VAX1: variants seen among roughly 807,000 people sequenced by gnomAD.
The protein encoded by VAX1 is ventral anterior homeobox 1.
VAX1 carries 6 observed loss-of-function variants against 17.6 expected under a neutral mutation model. That is an observed-to-expected ratio of 0.34 (90% CI 0.19 to 0.67). The LOEUF (loss-of-function observed/expected upper bound fraction) is 0.67. VAX1 is among the 30% of genes least tolerant of loss of function. VAX1 has a pLI of 0.69. For missense variants in VAX1, 408 were observed against 463.7 expected (o/e 0.88, Z 1.10); for synonymous variants, 256 against 227.4 (o/e 1.13, Z -1.13).
downstream of VAX1, chr10:117,128,995 A>G (rs1414454448): frequency 1.3e-5 from 2 of 152,246 alleles, no homozygotes; most frequent in South Asian, 4.1e-4. Flanking sequence ...CTCCATGAAA[A>G]TGAAAAAGAC....
At position 117,133,874 on chromosome 10, in the gene VAX1, G is replaced by A. The variant is rs1447728085; in HGVS notation, c.*134C>T. 2 of 1,381,402 alleles carry A rather than the reference G, an allele frequency of 1.4e-6. No homozygotes were observed. Among genetic ancestry groups the A allele is most frequent in the Non-Finnish European group, 1.9e-6 (2 of 1,074,428 alleles). 85.6% of individuals were successfully genotyped at this position (1,381,402 alleles called of 1,614,324 possible). On this transcript the variant is annotated 3_prime_UTR_variant, in exon 3 of 3. Transcript: ENST00000369206. ...GATGAAATTGGTAGCAGAGTCTAGT[G>A]GGAAAGGAGAGCTGTCAGAGGCCTG...
rs1367464145 is a variant in VAX1 at position 117,134,589 on chromosome 10, C to A, written c.430-6G>T. ...TTCTGGAACCAGACCTTCACCTGCG[C>A]GCCGGGGTGCGGGGAGAGTTGGAGA... is the stretch of plus-strand genomic sequence containing the variant. On this transcript the variant is annotated splice_polypyrimidine_tract_variant and splice_region_variant and intron_variant, in intron 2 of 2. Transcript: ENST00000369206. The surrounding 1 kb of genome is among the most constrained non-coding windows in gnomAD (Gnocchi z 6.2). 2 of 1,516,714 alleles carry A rather than the reference C, an allele frequency of 1.3e-6. No individual in the cohort carries two copies. Among genetic ancestry groups the A allele is most frequent in the Non-Finnish European group, 1.8e-6 (2 of 1,133,960 alleles). The allele number at this position is 1,516,714 out of a possible 1,614,324, so 94.0% of individuals were successfully genotyped here.
downstream of VAX1, chr10:117,131,492 T>C (rs562215153): frequency 1.3e-4 from 20 of 152,438 alleles, no homozygotes; most frequent in Middle Eastern, 3.4e-3. Flanking sequence ...CCCCGCCTTA[T>C]TTTGGATGCC....
chr10:117,135,854 T>C (rs886302440), intron 2 of VAX1, among the ~76,000 whole-genome samples: 2 of 152,162 alleles, frequency 1.3e-5, no homozygotes, highest in Non-Finnish European at 2.9e-5. Context: ...ACCTCACACA[T>C]CACTGGCCCA....
rs572519426 is a variant in VAX1, at chr10:117,134,684, G to A, written c.430-101C>T. ...CGCGCGGCTCCGGGGCTCTCCCCAAGTCCCAGCCCTATCCGCAGCCCCACC... is the reference window on the plus strand; with the variant it reads ...CGCGCGGCTCCGGGGCTCTCCCCAAATCCCAGCCCTATCCGCAGCCCCACC... On this transcript the variant is annotated intron_variant, in intron 2 of 2. Coordinates refer to ENST00000369206, the MANE Select transcript of VAX1 (RefSeq NM_001112704.2). The surrounding 1 kb of genome is among the most constrained non-coding windows in gnomAD (Gnocchi z 6.2). 9 of 1,212,026 alleles carry A rather than the reference G, an allele frequency of 7.4e-6. No homozygotes were observed. In the African/African-American group the frequency reaches 1.4e-4, roughly 19 times the overall value. The allele number at this position is 1,212,026 out of a possible 1,614,324, so 75.1% of individuals were successfully genotyped here.
At position 117,137,055 on chromosome 10, in the gene VAX1, G is replaced by T. The variant is rs1854190712; in HGVS notation, c.242-396C>A. Among the ~76,000 whole-genome samples, 1 of 152,062 alleles carries T rather than the reference G, an allele frequency of 6.6e-6. No individual in the cohort carries two copies. The highest frequency in any genetic ancestry group is 1.5e-5 in the Non-Finnish European group (1 of 68,004). ...CAGCTCTGGGCTTGCCGACCAGACC[G>T]TGATCCAGACGTCCCCACCCCCACC... On this transcript the variant is annotated intron_variant, in intron 1 of 2. Transcript: ENST00000369206. This position sits in a 1 kb window ranked among gnomAD's most constrained non-coding sequence, Gnocchi z 7.4.
Position 117,133,426 on chromosome 10 carries a change from C to A in VAX1, c.*582G>T. On this transcript the variant is annotated 3_prime_UTR_variant, in exon 3 of 3. Transcript: ENST00000369206. ...GTTGCCCTAAAGGGGAGAAAAACCG[C>A]AGGATTTGCCCGCCAGGAAGCTGTG... 1.0e-6 allele frequency: 1 copy of A among 985,498 alleles called. No individual in the cohort carries two copies. Among genetic ancestry groups the A allele is most frequent in the South Asian group, 4.7e-5 (1 of 21,276 alleles). The allele number at this position is 985,498 out of a possible 1,614,324, so 61.0% of individuals were successfully genotyped here. A position where few individuals can be genotyped will look rare whatever the true frequency, so the allele number is the denominator to read the frequency against.
chr10:117,137,632 T>C lies in VAX1; in HGVS notation c.241+184A>G, dbSNP rs1854205475. ...TCCGGGCGTGGAGGGCCGAGGCCCC[T>C]GGAGAGCGCACCGGAGAGTCCCAGG... On this transcript the variant is annotated intron_variant, in intron 1 of 2. Coordinates refer to ENST00000369206, the MANE Select transcript of VAX1 (RefSeq NM_001112704.2). The surrounding 1 kb of genome is among the most constrained non-coding windows in gnomAD (Gnocchi z 7.4). 6.6e-6 allele frequency among the ~76,000 whole-genome samples: 1 copy of C among 152,090 alleles called. No individual in the cohort carries two copies. Among genetic ancestry groups the C allele is most frequent in the South Asian group, 2.1e-4 (1 of 4,836 alleles).
rs1854178492 is a variant in VAX1 at position 117,136,351 on chromosome 10, T to C, written c.429+121A>G. On this transcript the variant is annotated intron_variant, in intron 2 of 2. Transcript: ENST00000369206. This position sits in a 1 kb window ranked among gnomAD's most constrained non-coding sequence, Gnocchi z 5.0. ...AGGCCTGTCTTACCCATCCTTCCCATCTCCTCCACCTCCCAAGGGTAGTTC... is the reference window on the plus strand; with the variant it reads ...AGGCCTGTCTTACCCATCCTTCCCACCTCCTCCACCTCCCAAGGGTAGTTC... The C allele has an allele frequency of 8.1e-7, 1 of 1,234,308 alleles. No individual in the cohort carries two copies. 76.5% of individuals were successfully genotyped at this position (1,234,308 alleles called of 1,614,324 possible).
At position 117,137,067 on chromosome 10, in the gene VAX1, T is replaced by C. The variant is rs1854190954; in HGVS notation, c.242-408A>G. On this transcript the variant is annotated intron_variant, in intron 1 of 2. Transcript: ENST00000369206. This position sits in a 1 kb window ranked among gnomAD's most constrained non-coding sequence, Gnocchi z 7.4. ...TGCCGACCAGACCGTGATCCAGACG[T>C]CCCCACCCCCACCCTCGAGTCTCCT... Among the ~76,000 whole-genome samples the C allele has an allele frequency of 6.6e-6, 1 of 151,272 alleles. No homozygotes were observed. The highest frequency in any genetic ancestry group is 2.4e-5 in the African/African-American group (1 of 41,082).
Position 117,134,140 on chromosome 10 carries a change from G to A in VAX1, c.873C>T (p.Ala291=), listed in dbSNP as rs1294848736. 1 of 1,533,538 alleles carries A rather than the reference G, an allele frequency of 6.5e-7. No homozygotes were observed. Among genetic ancestry groups the A allele is most frequent in the Non-Finnish European group, 8.8e-7 (1 of 1,139,412 alleles). 95.0% of individuals were successfully genotyped at this position (1,533,538 alleles called of 1,614,324 possible). ...LGSVASRLSS[A]PLTMAGSLAG... is the part of the protein sequence containing the mutation. ...CTAGCGAACCAGCCATTGTTAACGG[G>A]GCGGAGGACAGGCGGCTGGCGACGG... The change falls in exon 3 of 3, where the codon GCC becomes GCT. Residue 291 remains alanine, a synonymous_variant. Coordinates refer to ENST00000369206, the MANE Select transcript of VAX1 (RefSeq NM_001112704.2). The surrounding 1 kb of genome is among the most constrained non-coding windows in gnomAD (Gnocchi z 6.2).
Position 117,134,578 on chromosome 10 carries a change from C to T in VAX1, c.435G>A (p.Lys145=). The change falls in exon 3 of 3, where the codon AAG becomes AAA. Residue 145 remains lysine, a synonymous_variant. Transcript: ENST00000369206. This position sits in a 1 kb window ranked among gnomAD's most constrained non-coding sequence, Gnocchi z 6.2. ...RQLNLSETQV[K]VWFQNRRTKQ... ...TGGTGCGCCGGTTCTGGAACCAGAC[C>T]TTCACCTGCGCGCCGGGGTGCGGGG... The T allele has an allele frequency of 6.6e-7, 1 of 1,520,896 alleles. No individual in the cohort carries two copies. Among genetic ancestry groups the T allele is most frequent in the South Asian group, 1.2e-5 (1 of 82,530 alleles). 94.2% of individuals were successfully genotyped at this position (1,520,896 alleles called of 1,614,324 possible).
rs1335386623 is a variant in VAX1, at chr10:117,137,184, C to T, written c.242-525G>A. ...GCTGCTGGCTGGGGCGGCGCCGGGC[C>T]GGGGCCCGGCCTCGCAGCCTCCGCC... On this transcript the variant is annotated intron_variant, in intron 1 of 2. Transcript: ENST00000369206. This position sits in a 1 kb window ranked among gnomAD's most constrained non-coding sequence, Gnocchi z 7.4. Among the ~76,000 whole-genome samples the T allele has an allele frequency of 6.6e-6, 1 of 151,948 alleles. No individual in the cohort carries two copies. The highest frequency in any genetic ancestry group is 1.5e-5 in the Non-Finnish European group (1 of 67,948).
Position 117,134,320 on chromosome 10 carries a change from G to A in VAX1, c.693C>T (p.Ala231=). The change falls in exon 3 of 3, where the codon GCC becomes GCT. Residue 231 remains alanine (A), a synonymous_variant. Coordinates refer to ENST00000369206, the MANE Select transcript of VAX1 (RefSeq NM_001112704.2). This position sits in a 1 kb window ranked among gnomAD's most constrained non-coding sequence, Gnocchi z 6.2. ...AAAGSAAAAA[A]AAPGPAGAAS... is the part of the protein sequence containing the mutation. ...CAGCGCCCGCTGGGCCCGGGGCGGC[G>A]GCGGCGGCTGCGGCGGCCGAGCCTG... The A allele has an allele frequency of 7.6e-6, 8 of 1,046,902 alleles. No homozygotes were observed. Among genetic ancestry groups the A allele is most frequent in the African/African-American group, 1.7e-5 (1 of 58,228 alleles). The allele number at this position is 1,046,902 out of a possible 1,614,324, so 64.9% of individuals were successfully genotyped here.
chr10:117,134,678 C>T lies in VAX1; in HGVS notation c.430-95G>A. 7.8e-7 allele frequency: 1 copy of T among 1,276,126 alleles called. No homozygotes were observed. Among genetic ancestry groups the T allele is most frequent in the Non-Finnish European group, 1.0e-6 (1 of 965,852 alleles). 79.1% of individuals were successfully genotyped at this position (1,276,126 alleles called of 1,614,324 possible). A position where few individuals can be genotyped will look rare whatever the true frequency, so the allele number is the denominator to read the frequency against. ...CCGGGGCGCGCGGCTCCGGGGCTCT[C>T]CCCAAGTCCCAGCCCTATCCGCAGC... On this transcript the variant is annotated intron_variant, in intron 2 of 2. Transcript: ENST00000369206. This position sits in a 1 kb window ranked among gnomAD's most constrained non-coding sequence, Gnocchi z 6.2.
chr10:117,136,767 TGGGGGGC>T lies in VAX1; in HGVS notation c.242-115_242-109del. ...CCCCAGAAGCGTGCAGTTTTGGGGA[TGGGGGGC>T]GGGGTGCGGAGCGCGACCACAACCA... On this transcript the variant is annotated intron_variant, in intron 1 of 2. Coordinates refer to ENST00000369206, the MANE Select transcript of VAX1 (RefSeq NM_001112704.2). This position sits in a 1 kb window ranked among gnomAD's most constrained non-coding sequence, Gnocchi z 5.0. 1.4e-6 allele frequency: 2 copies of T among 1,384,204 alleles called. No homozygotes were observed. Among genetic ancestry groups the T allele is most frequent in the Non-Finnish European group, 1.9e-6 (2 of 1,030,124 alleles). The allele number at this position is 1,384,204 out of a possible 1,614,324, so 85.7% of individuals were successfully genotyped here.
In VAX1 at chr10:117,137,463, C is replaced by T. The variant is rs551089890; in HGVS notation, c.241+353G>A. ...GAGCGCGGGAGTCCCCTGGCCGGCT[C>T]CCGGCAGGTCGTCCGGCCCTTGGAG... On this transcript the variant is annotated intron_variant, in intron 1 of 2. Coordinates refer to ENST00000369206, the MANE Select transcript of VAX1 (RefSeq NM_001112704.2). This position sits in a 1 kb window ranked among gnomAD's most constrained non-coding sequence, Gnocchi z 7.4. Among the ~76,000 whole-genome samples, 261 of 152,344 alleles carry T rather than the reference C, an allele frequency of 1.7e-3. No homozygotes were observed. Among genetic ancestry groups the T allele is most frequent in the African/African-American group, 5.8e-3 (240 of 41,588 alleles).
chr10:117,132,539 A>C, downstream of VAX1: 1 of 1,556,580 alleles, frequency 6.4e-7, no homozygotes, highest in South Asian at 1.2e-5. This position sits in a 1 kb window ranked among gnomAD's most constrained non-coding sequence, Gnocchi z 4.9. Context: ...ATTTACAATA[A>C]AATTACTATT....
rs752129509 is a variant in VAX1 at position 117,136,453 on chromosome 10, C to A, written c.429+19G>T. The A allele has an allele frequency of 3.7e-6, 6 of 1,611,384 alleles. No homozygotes were observed. The highest frequency in any genetic ancestry group is 5.1e-6 in the Non-Finnish European group (6 of 1,179,754). ...AGGAAGGCTGGTGCAGAACTGTGTG[C>A]GGCCTGGTCGCCGGGTACCTGGGTC... On this transcript the variant is annotated intron_variant, in intron 2 of 2. Coordinates refer to ENST00000369206, the MANE Select transcript of VAX1 (RefSeq NM_001112704.2). This position sits in a 1 kb window ranked among gnomAD's most constrained non-coding sequence, Gnocchi z 5.0.
Sources: allele counts gnomAD v4.1 joint callset (sites outside exome capture counted in the v4.1 genomes callset), GRCh38; gene constraint gnomAD v4.1.1; non-coding constraint Gnocchi (gnomAD v3.1); transcripts MANE v1.5; gene names NCBI Gene and HGNC (gene_info 2026-07-23, HGNC 2026-07-21).